MARCHF3: variants seen among roughly 807,000 people sequenced by gnomAD.
MARCHF3 encodes E3 ubiquitin-protein ligase MARCHF3.
Under a neutral mutation model 24.2 loss-of-function variants are expected in MARCHF3, and 13 were observed. The observed-to-expected ratio is 0.54, with a 90% CI of 0.35 to 0.85. MARCHF3 has a LOEUF of 0.85. MARCHF3 is among the 40% of genes least tolerant of loss of function. The probability of loss-of-function intolerance (pLI) is 0.01; values close to 1 mark genes in which losing one functional copy is unlikely to be tolerated. For missense variants in MARCHF3, 276 were observed against 325.0 expected, an observed-to-expected ratio of 0.85 and a Z score of 1.16; for synonymous variants, 144 against 137.3, an observed-to-expected ratio of 1.05 and a Z score of -0.34.
intron 1 of MARCHF3, among the ~76,000 whole-genome samples, chr5:126,975,811 C>A (rs1179977555): frequency 2.0e-5 from 3 of 152,210 alleles, no homozygotes; most frequent in African/African-American, 7.2e-5. Context: ...AAAACTCAAA[C>A]CTTCACATGG....
chr5:126,874,670 G>C (rs1207332106), intron 4 of MARCHF3, among the ~76,000 whole-genome samples: 1 of 152,056 alleles, frequency 6.6e-6, no homozygotes, highest in African/African-American at 2.4e-5. Context: ...TGGAAGTGGT[G>C]TGACTTAGGG....
chr5:126,896,588 G>T (rs918728206), intron 3 of MARCHF3, among the ~76,000 whole-genome samples: 3 of 152,046 alleles, frequency 2.0e-5, no homozygotes, highest in Non-Finnish European at 4.4e-5. Context: ...AACTAGCCCA[G>T]TCTCTGTCTA....
intron 1 of MARCHF3, among the ~76,000 whole-genome samples, chr5:126,922,223 T>C (rs1749133168): frequency 6.6e-6 from 1 of 152,142 alleles, no homozygotes; most frequent in African/African-American, 2.4e-5. Context: ...GGGAAAAAGC[T>C]CTGTTGTTGG....
chr5:126,879,506 G>C (rs1014001601), intron 3 of MARCHF3, among the ~76,000 whole-genome samples: 1 of 152,136 alleles, frequency 6.6e-6, no homozygotes, highest in African/African-American at 2.4e-5. Flanking sequence ...ATCCCCAAAA[G>C]GATGGGGAAA....
At chr5:126,942,381 T>C (rs1180991061) in intron 1 of MARCHF3, among the ~76,000 whole-genome samples, 2 of 152,156 alleles carry the variant, frequency 1.3e-5, no homozygotes, top group Non-Finnish European at 2.9e-5. Flanking sequence ...TATATTTTAA[T>C]AAAACTTAAA....
At chr5:126,902,195 C>A (rs1386409552) in intron 3 of MARCHF3, among the ~76,000 whole-genome samples, 2 of 152,114 alleles carry the variant, frequency 1.3e-5, no homozygotes, top group African/African-American at 4.8e-5. Flanking sequence ...TCAGTGAAGA[C>A]CACGGTTTTC....
rs185887077 is a variant in MARCHF3, at chr5:127,004,568, A to G, written c.-57+25782T>C. On this transcript the variant is annotated intron_variant, in intron 1 of 4. Transcript: ENST00000308660. The stretch of plus-strand genomic sequence containing the variant: ...GAGATCATGAAGCTTATGAAATTCC[A>G]TACCTCCTTTATTATTCCCTGTTTT... Among the ~76,000 whole-genome samples the G allele has an allele frequency of 5.5e-4, 84 of 152,292 alleles. 1 individual carries two copies. Among genetic ancestry groups the G allele is most frequent in the Middle Eastern group, 6.8e-3 (2 of 294 alleles).
intron 1 of MARCHF3, among the ~76,000 whole-genome samples, chr5:126,949,378 T>G (rs1750137661): frequency 4.6e-5 from 7 of 152,328 alleles, no homozygotes; most frequent in Admixed American, 4.6e-4. Flanking sequence ...GCGGTTCTGA[T>G]GAAACAGAAA....
intron 1 of MARCHF3, among the ~76,000 whole-genome samples, chr5:126,956,792 GT>G (rs1351960748): frequency 6.6e-6 from 1 of 151,182 alleles, no homozygotes; most frequent in Non-Finnish European, 1.5e-5. Context: ...CTCACTAAAA[GT>G]TTCCATTTTC....
intron 1 of MARCHF3, among the ~76,000 whole-genome samples, chr5:126,944,573 C>A (rs202042172): frequency 6.6e-6 from 1 of 152,154 alleles, no homozygotes; most frequent in Non-Finnish European, 1.5e-5. Context: ...AAGAGCGACA[C>A]CCTGTCTCAA....
chr5:126,978,503 G>A (rs1380251921), intron 1 of MARCHF3, among the ~76,000 whole-genome samples: 1 of 152,150 alleles, frequency 6.6e-6, no homozygotes, highest in Admixed American at 6.5e-5. Flanking sequence ...TTATGAAAAA[G>A]GTGAAAGGAT....
chr5:127,019,815 T>C (rs1752737682), intron 1 of MARCHF3, among the ~76,000 whole-genome samples: 2 of 152,244 alleles, frequency 1.3e-5, no homozygotes, highest in African/African-American at 4.8e-5. Context: ...TTGTTTTGTA[T>C]GCAGGAGATA....
intron 1 of MARCHF3, among the ~76,000 whole-genome samples, chr5:127,003,217 C>T (rs1406657522): frequency 3.3e-5 from 5 of 152,110 alleles, no homozygotes; most frequent in African/African-American, 1.2e-4. Context: ...CGGTGGCTCA[C>T]GCTTGTAATC....
At chr5:126,992,896 C>G (rs987726612) in intron 1 of MARCHF3, among the ~76,000 whole-genome samples, 14 of 151,962 alleles carry the variant, frequency 9.2e-5, no homozygotes, top group Admixed American at 8.5e-4. Flanking sequence ...CTCAGCCTCC[C>G]GAGTAGCTGG....
At position 126,992,766 on chromosome 5, in the gene MARCHF3, A is replaced by ATTTT. The variant is rs757479478; in HGVS notation, c.-57+37580_-57+37583dup. 1.4e-3 allele frequency among the ~76,000 whole-genome samples: 133 copies of ATTTT among 95,494 alleles called. 1 individual carries two copies. Among genetic ancestry groups the ATTTT allele is most frequent in the Middle Eastern group, 0.018 (2 of 110 alleles). The allele number at this position is 95,494 out of a possible 152,430, so 62.6% of individuals were successfully genotyped here. On this transcript the variant is annotated intron_variant, in intron 1 of 4. Transcript: ENST00000308660. ...TCTTCCTCTTTTTGACATCCACGTGATTTTTTTTTTTTTTTTTTTTTTTGA... is the reference window on the plus strand; with the variant it reads ...TCTTCCTCTTTTTGACATCCACGTGATTTTTTTTTTTTTTTTTTTTTTTTTTTGA...
At chr5:126,895,042 C>T (rs577834698) in intron 3 of MARCHF3, among the ~76,000 whole-genome samples, 77 of 152,112 alleles carry the variant, frequency 5.1e-4, no homozygotes, top group East Asian at 2.3e-3. Context: ...CTTCCCTTCT[C>T]GCTTCATTTC....
intron 1 of MARCHF3, among the ~76,000 whole-genome samples, chr5:127,026,464 C>T (rs916908632): frequency 6.6e-6 from 1 of 152,202 alleles, no homozygotes; most frequent in African/African-American, 2.4e-5. Context: ...TGGGTCAAGA[C>T]TGTCTGGTTA....
intron 1 of MARCHF3, 75 bp from the exon 2 acceptor site, chr5:126,918,302 C>T (rs1561426731): frequency 1.2e-6 from 1 of 858,862 alleles, no homozygotes; most frequent in South Asian, 1.8e-5. Flanking sequence ...CCACCAACAT[C>T]ATCATCATGT....
rs1040923397 is a variant in MARCHF3 at position 126,986,364 on chromosome 5, A to T, written c.-57+43986T>A. 4.6e-5 allele frequency among the ~76,000 whole-genome samples: 7 copies of T among 152,274 alleles called. No individual in the cohort carries two copies. The East Asian group carries it at 1.2e-3, about 25-fold the overall frequency. ...TCATATTAACTTATGCCTTTATTAT[A>T]CAAAGCTAAATAATTTTTTGAAAAT... is the stretch of plus-strand genomic sequence containing the variant. On this transcript the variant is annotated intron_variant, in intron 1 of 4. Coordinates refer to ENST00000308660, the MANE Select transcript of MARCHF3 (RefSeq NM_178450.5).
Sources: allele counts gnomAD v4.1 joint callset (sites outside exome capture counted in the v4.1 genomes callset), GRCh38; gene constraint gnomAD v4.1.1; transcripts MANE v1.5; gene names NCBI Gene and HGNC (gene_info 2026-07-23, HGNC 2026-07-21).